WDFY4: variants seen among roughly 807,000 people sequenced by gnomAD.
The protein encoded by WDFY4 is WDFY family member 4.
Under a neutral mutation model 351.9 loss-of-function variants are expected in WDFY4, and 169 were observed. The ratio of observed to expected loss-of-function variants is 0.48; its 90% confidence interval spans 0.42 to 0.55. The LOEUF is 0.55. Ranked by LOEUF, WDFY4 falls within the 20% of genes least tolerant of loss-of-function variation. WDFY4 has a pLI of 0.00. For synonymous variants in WDFY4, 1,622 were observed against 1,574.6 expected (o/e 1.03, Z -0.71); for missense variants, 3,803 against 3,935.6 (o/e 0.97, Z 0.90).
intron 39 of WDFY4, among the ~76,000 whole-genome samples, 177 bp downstream of exon 39, chr10:48,832,886 G>A (rs997892151): frequency 5.9e-5 from 9 of 152,196 alleles, no homozygotes. Context: ...TATTAGGCTG[G>A]CTCCTTGTTC....
intron 13 of WDFY4, among the ~76,000 whole-genome samples, chr10:48,765,152 A>G (rs1415026328): frequency 6.6e-6 from 1 of 152,248 alleles, no homozygotes; most frequent in Admixed American, 6.5e-5. Flanking sequence ...TTGAAGCCAC[A>G]TTGTGGAGGA....
chr10:48,844,043 C>G (rs756247576), intron 39 of WDFY4, among the ~76,000 whole-genome samples: 1 of 152,266 alleles, frequency 6.6e-6, no homozygotes, highest in Non-Finnish European at 1.5e-5. Context: ...CTAGGCCCCC[C>G]ACTCACAGCC....
chr10:48,732,109 G>A (rs552635444), intron 9 of WDFY4, among the ~76,000 whole-genome samples: 134 of 152,272 alleles, frequency 8.8e-4, no homozygotes, highest in Non-Finnish European at 1.3e-3. Context: ...CTGCACCCTG[G>A]AGTCTCAATC....
chr10:48,786,372 C>T (rs1293182114), intron 19 of WDFY4, among the ~76,000 whole-genome samples: 1 of 152,140 alleles, frequency 6.6e-6, no homozygotes, highest in Admixed American at 6.5e-5. Context: ...AGTAGAATGA[C>T]TGAGATAAGA....
In WDFY4 at chr10:48,817,266, G is replaced by A; in HGVS notation, c.5362G>A (p.Gly1788Ser). Reference protein sequence around the residue: ...MSQPLAGSEDGAWAQTFPASV... With the variant: ...MSQPLAGSEDSAWAQTFPASV... ...TCAGCCCCTGGCAGGTTCTGAGGAT[G>A]GTGCCTGGGCACAGACCTTCCCGGC... The change falls in exon 32 of 62, where the codon GGT becomes AGT. Residue 1788 changes from glycine to serine, a missense_variant. Coordinates refer to ENST00000325239, the MANE Select transcript of WDFY4 (RefSeq NM_001394531.1). 1.9e-6 allele frequency: 3 copies of A among 1,551,662 alleles called. No homozygotes were observed. The highest frequency in any genetic ancestry group is 2.6e-6 in the Non-Finnish European group (3 of 1,147,012).
intron 18 of WDFY4, 43 bp from the exon 19 acceptor site, chr10:48,779,898 T>A: frequency 6.5e-7 from 1 of 1,548,912 alleles, no homozygotes; most frequent in Non-Finnish European, 8.7e-7. Context: ...GTTCCTGCAG[T>A]GTAGCACCAC....
chr10:48,799,012 T>C (rs1288323601), intron 24 of WDFY4, among the ~76,000 whole-genome samples: 1 of 152,182 alleles, frequency 6.6e-6, no homozygotes, highest in African/African-American at 2.4e-5. Flanking sequence ...TAATGTGTCT[T>C]GACTGCAACC....
chr10:48,971,510 T>C (rs115265968), intron 57 of WDFY4, among the ~76,000 whole-genome samples: 2,642 of 150,504 alleles, frequency 0.018, 90 homozygotes, highest in African/African-American at 0.062. Context: ...AAAAAAAAAA[T>C]TCACCACTGA....
intron 39 of WDFY4, among the ~76,000 whole-genome samples, chr10:48,863,696 GT>G (rs1252208843): frequency 3.3e-5 from 5 of 151,496 alleles, no homozygotes; most frequent in Non-Finnish European, 7.4e-5. Context: ...TTTACTTTTG[GT>G]GAAGTCCAAC....
intron 44 of WDFY4, among the ~76,000 whole-genome samples, chr10:48,896,554 C>A (rs73294666): frequency 0.034 from 5,115 of 152,284 alleles, 278 homozygotes; most frequent in African/African-American, 0.12. Flanking sequence ...GTTGCCAGGG[C>A]CCAGGCCAGG....
At chr10:48,853,643 A>G (rs1407352080) in intron 39 of WDFY4, among the ~76,000 whole-genome samples, 1 of 152,208 alleles carries the variant, frequency 6.6e-6, no homozygotes, top group African/African-American at 2.4e-5. Context: ...TATTAAATCA[A>G]AAAATGCTAA....
intron 12 of WDFY4, chr10:48,746,121 C>A: frequency 6.5e-6 from 1 of 153,918 alleles, no homozygotes. Flanking sequence ...TGGGACCTGC[C>A]CCTCCGCTAC....
chr10:48,823,061 C>A, intron 35 of WDFY4: 2 of 1,135,728 alleles, frequency 1.8e-6, no homozygotes, highest in Non-Finnish European at 2.3e-6. Context: ...CCTACCTGTA[C>A]AAATGCATAC....
intron 39 of WDFY4, among the ~76,000 whole-genome samples, chr10:48,834,979 G>A (rs561313210): frequency 1.3e-5 from 2 of 152,306 alleles, no homozygotes; most frequent in East Asian, 3.9e-4. Context: ...GAGAGATCTG[G>A]GAGAAAGAAT....
At chr10:48,777,325 G>A (rs2066066785) in intron 16 of WDFY4, 94 bp from the exon 17 acceptor site, 1 of 1,181,644 alleles carries the variant, frequency 8.5e-7, no homozygotes, top group South Asian at 1.3e-5. Context: ...CCGGCAGGAG[G>A]GTAGAGTGGG....
chr10:48,805,603 C>G (rs557662448), intron 26 of WDFY4, among the ~76,000 whole-genome samples, 182 bp downstream of exon 26: 3 of 152,174 alleles, frequency 2.0e-5, no homozygotes, highest in African/African-American at 4.8e-5. Context: ...TGGGACAGGC[C>G]GGTTTCCCCA....
chr10:48,948,169 C>T (rs756107921), intron 51 of WDFY4, among the ~76,000 whole-genome samples: 22 of 152,182 alleles, frequency 1.4e-4, no homozygotes, highest in African/African-American at 3.1e-4. Flanking sequence ...CATTACTTGG[C>T]GCAGCCTTCT....
chr10:48,781,080 G>A (rs542509160), intron 19 of WDFY4, among the ~76,000 whole-genome samples: 1 of 152,164 alleles, frequency 6.6e-6, no homozygotes, highest in South Asian at 2.1e-4. Context: ...ATATACCCTG[G>A]GGGTCAAAGT....
intron 11 of WDFY4, 138 bp downstream of exon 11, chr10:48,736,208 A>T: frequency 1.1e-6 from 1 of 932,958 alleles, no homozygotes; most frequent in South Asian, 1.4e-5. Context: ...AGGTAGCGTC[A>T]GGTGCTGTAA....
Sources: gnomAD v4.1 joint callset for allele counts (sites outside exome capture counted in the v4.1 genomes callset) on GRCh38, gnomAD v4.1.1 for gene constraint, MANE v1.5 for transcripts, NCBI Gene and HGNC (gene_info 2026-07-23, HGNC 2026-07-21) for gene names.